The following PBRM1 variants were observed in gnomAD, a reference collection of about 807,000 sequenced individuals.
PBRM1 encodes polybromo 1, also known as protein polybromo-1.
In PBRM1, 27 loss-of-function variants were observed where a neutral mutation model predicts 194.5. The observed-to-expected ratio is 0.14, with a 90% CI of 0.10 to 0.19. PBRM1 has a LOEUF of 0.19. PBRM1 is among the 10% of genes least tolerant of loss of function. The probability of loss-of-function intolerance (pLI) is 1.00; values close to 1 mark genes in which losing one functional copy is unlikely to be tolerated. For synonymous variants in PBRM1, 655 were observed against 693.2 expected (o/e 0.94, Z 0.87); for missense variants, 1,466 against 2,077.2 (o/e 0.71, Z 5.72).
At chr3:52,672,959 C>T (rs1229001373) in intron 2 of PBRM1, among the ~76,000 whole-genome samples, 2 of 152,094 alleles carry the variant, frequency 1.3e-5, no homozygotes, top group Non-Finnish European at 2.9e-5. Flanking sequence ...AACTTCAATA[C>T]AGTCTTAAGA....
At chr3:52,615,024 A>C (rs4234635) in intron 15 of PBRM1, among the ~76,000 whole-genome samples, 4,335 of 152,282 alleles carry the variant, frequency 0.028, 209 homozygotes, top group African/African-American at 0.1. Flanking sequence ...TCAGACATAC[A>C]TACCAAGGAA....
intron 18 of PBRM1, among the ~76,000 whole-genome samples, chr3:52,587,827 A>T (rs922346490): frequency 1.3e-5 from 2 of 152,100 alleles, no homozygotes; most frequent in African/African-American, 4.8e-5. Flanking sequence ...TATCCACAGG[A>T]GAAATAATAC....
chr3:52,636,907 C>A (rs2153665889), intron 10 of PBRM1, among the ~76,000 whole-genome samples: 1 of 150,292 alleles, frequency 6.7e-6, no homozygotes, highest in African/African-American at 2.4e-5. Flanking sequence ...TGATAAGTAC[C>A]AGCCTCAGGT....
At position 52,629,383 on chromosome 3, in the gene PBRM1, T is replaced by C. The variant is rs118043479; in HGVS notation, c.1302-348A>G. ...CCTAATAGTTCATACGTGAACCTTATGAAGGGACGAAAATTAGGGAGGTTT... is the reference window on the plus strand; with the variant it reads ...CCTAATAGTTCATACGTGAACCTTACGAAGGGACGAAAATTAGGGAGGTTT... On this transcript the variant is annotated intron_variant, in intron 11 of 29. Transcript: ENST00000296302. 7.5e-4 allele frequency among the ~76,000 whole-genome samples: 115 copies of C among 152,328 alleles called. No homozygotes were observed. In the East Asian group the frequency reaches 0.017, roughly 22 times the overall value.
chr3:52,644,324 T>C (rs2096222681), intron 8 of PBRM1, among the ~76,000 whole-genome samples: 2 of 152,174 alleles, frequency 1.3e-5, no homozygotes, highest in African/African-American at 2.4e-5. Flanking sequence ...TAAACCGTGT[T>C]AATGTTTATT....
At chr3:52,665,222 A>G (rs762844425) in intron 3 of PBRM1, among the ~76,000 whole-genome samples, 2 of 152,166 alleles carry the variant, frequency 1.3e-5, no homozygotes, top group Non-Finnish European at 2.9e-5. Flanking sequence ...TGGCATGATC[A>G]TAGCACATTA....
intron 13 of PBRM1, among the ~76,000 whole-genome samples, chr3:52,618,677 C>T (rs2095107764): frequency 6.6e-6 from 1 of 151,014 alleles, no homozygotes; most frequent in Non-Finnish European, 1.5e-5. Context: ...TCACCGCAAC[C>T]TCTGCCTCCT....
intron 3 of PBRM1, among the ~76,000 whole-genome samples, chr3:52,663,486 T>C (rs549319370): frequency 1.5e-4 from 23 of 152,280 alleles, no homozygotes; most frequent in African/African-American, 5.1e-4. Context: ...AAGTTAGCCT[T>C]AACAAAGACA....
intron 22 of PBRM1, among the ~76,000 whole-genome samples, chr3:52,572,679 T>C (rs1400453813): frequency 6.6e-6 from 1 of 152,190 alleles, no homozygotes; most frequent in Non-Finnish European, 1.5e-5. Flanking sequence ...CCCAGCTTGA[T>C]TACTGTTTAA....
intron 28 of PBRM1, 37 bp downstream of exon 30, chr3:52,550,710 T>G: frequency 6.3e-7 from 1 of 1,591,998 alleles, no homozygotes; most frequent in South Asian, 1.1e-5. Flanking sequence ...TAACTCGAAT[T>G]CTGTCAAGTC....
intron 16 of PBRM1, among the ~76,000 whole-genome samples, chr3:52,607,677 G>A (rs1057269057): frequency 1.3e-5 from 2 of 152,218 alleles, no homozygotes; most frequent in Non-Finnish European, 2.9e-5. Context: ...TAAGCTACAT[G>A]AAAGCAGAGT....
At chr3:52,651,606 T>C (rs1174776318) in intron 6 of PBRM1, 136 bp downstream of exon 7, 1 of 437,442 alleles carries the variant, frequency 2.3e-6, no homozygotes, top group Non-Finnish European at 4.1e-6. Flanking sequence ...AGTAACACTA[T>C]TTTAATTTAT....
At chr3:52,623,001 C>G (rs887687046) in intron 13 of PBRM1, among the ~76,000 whole-genome samples, 2 of 152,206 alleles carry the variant, frequency 1.3e-5, no homozygotes. Context: ...ATTACCCCAA[C>G]TATGCAGATG....
At position 52,589,266 on chromosome 3, in the gene PBRM1, A is replaced by T; in HGVS notation, c.2780-11T>A. On this transcript the variant is annotated splice_polypyrimidine_tract_variant and intron_variant, in intron 17 of 29. Transcript: ENST00000296302. ...CACTCTTTTCAGCTTCTTAGGTAAA[A>T]AAATAAATAAATAAAGGAAAAAGGT... The T allele has an allele frequency of 6.6e-7, 1 of 1,507,848 alleles. No individual in the cohort carries two copies. Among genetic ancestry groups the T allele is most frequent in the South Asian group, 1.3e-5 (1 of 74,286 alleles). 93.4% of individuals were successfully genotyped at this position (1,507,848 alleles called of 1,614,324 possible).
chr3:52,674,276 G>A (rs987856345), intron 2 of PBRM1, among the ~76,000 whole-genome samples: 17 of 151,632 alleles, frequency 1.1e-4, no homozygotes, highest in Admixed American at 7.9e-4. Context: ...AAGGTCGGGA[G>A]TTTGAGACCA....
chr3:52,602,755 G>T (rs955594944), intron 17 of PBRM1, among the ~76,000 whole-genome samples: 8 of 152,102 alleles, frequency 5.3e-5, no homozygotes, highest in African/African-American at 1.9e-4. Context: ...TGTTGGTTTT[G>T]CAGTTAGTTC....
At chr3:52,582,698 T>C (rs554026191) in intron 20 of PBRM1, among the ~76,000 whole-genome samples, 123 of 152,176 alleles carry the variant, frequency 8.1e-4, no homozygotes, top group Non-Finnish European at 1.6e-3. Context: ...ATATAAAAAA[T>C]CACATTCTTT....
intron 3 of PBRM1, among the ~76,000 whole-genome samples, chr3:52,666,701 G>A (rs552528388): frequency 3.7e-4 from 57 of 152,028 alleles, no homozygotes; most frequent in South Asian, 1.9e-3. Flanking sequence ...GACTAGCCTG[G>A]GCAACACGGT....
chr3:52,685,562 C>CA (rs2097299579), intron 1 of PBRM1, 187 bp downstream of exon 1: 1 of 151,378 alleles, frequency 6.6e-6, no homozygotes, highest in African/African-American at 2.4e-5. Flanking sequence ...GCAGGTGCGA[C>CA]AAGGCTACTG....
Sources: gnomAD v4.1 joint callset for allele counts (sites outside exome capture counted in the v4.1 genomes callset) on GRCh38, gnomAD v4.1.1 for gene constraint, MANE v1.5 for transcripts, NCBI Gene and HGNC (gene_info 2026-07-23, HGNC 2026-07-21) for gene names.